PCSK5: variants seen among roughly 807,000 people sequenced by gnomAD.
PCSK5 encodes proprotein convertase subtilisin/kexin type 5.
In PCSK5, 129 loss-of-function variants were observed where a neutral mutation model predicts 233.2. The observed-to-expected ratio is 0.55, with a 90% CI of 0.48 to 0.64. The LOEUF is 0.64. PCSK5 is among the 30% of genes least tolerant of loss of function. The probability of loss-of-function intolerance (pLI) is 0.00; values close to 1 mark genes in which losing one functional copy is unlikely to be tolerated. For missense variants in PCSK5, 2,076 were observed against 2,430.1 expected, an observed-to-expected ratio of 0.85 and a Z score of 3.06; for synonymous variants, 825 against 879.2, an observed-to-expected ratio of 0.94 and a Z score of 1.09.
chr9:75,945,826 A>T (rs1824540828), intron 2 of PCSK5, among the ~76,000 whole-genome samples: 1 of 152,084 alleles, frequency 6.6e-6, no homozygotes, highest in Non-Finnish European at 1.5e-5. Flanking sequence ...TCTTTGTATG[A>T]TGGATGCCTT....
chr9:75,968,674 C>A (rs1825695363), intron 2 of PCSK5, among the ~76,000 whole-genome samples: 1 of 152,124 alleles, frequency 6.6e-6, no homozygotes, highest in Non-Finnish European at 1.5e-5. Flanking sequence ...TTATAGAAAT[C>A]CAGCCAGGGG....
chr9:76,180,062 TG>T (rs1734038949), intron 15 of PCSK5, among the ~76,000 whole-genome samples: 1 of 128,794 alleles, frequency 7.8e-6, no homozygotes, highest in Non-Finnish European at 1.6e-5. Flanking sequence ...CATAACATGA[TG>T]TTTATATATA....
At chr9:76,346,348 A>T (rs1213946962) in intron 35 of PCSK5, among the ~76,000 whole-genome samples, 1 of 152,120 alleles carries the variant, frequency 6.6e-6, no homozygotes, top group East Asian at 1.9e-4. Context: ...TCCTGGGTGA[A>T]TTAAGGATGA....
chr9:76,147,563 C>CCT (rs145613300), intron 10 of PCSK5, among the ~76,000 whole-genome samples: 3,385 of 152,248 alleles, frequency 0.022, 121 homozygotes, highest in African/African-American at 0.076. Context: ...CTGGGCCTTA[C>CCT]CTCAAAACTC....
intron 20 of PCSK5, among the ~76,000 whole-genome samples, chr9:76,217,810 A>AACC (rs1825590114): frequency 6.6e-6 from 1 of 152,180 alleles, no homozygotes; most frequent in African/African-American, 2.4e-5. Context: ...ATAGGATGCA[A>AACC]ACCACGGGGA....
intron 5 of PCSK5, among the ~76,000 whole-genome samples, chr9:76,044,646 A>G (rs561430615): frequency 6.6e-6 from 1 of 152,290 alleles, no homozygotes; most frequent in South Asian, 2.1e-4. Flanking sequence ...TATTAGAGCT[A>G]ATTTAGAGAT....
At chr9:76,286,735 T>A (rs1828083664) in intron 24 of PCSK5, 1 of 163,966 alleles carries the variant, frequency 6.1e-6, no homozygotes. Context: ...GTTGAAGTCA[T>A]TGGCAGATGC....
At chr9:76,082,573 G>A (rs1830885827) in intron 7 of PCSK5, among the ~76,000 whole-genome samples, 1 of 152,042 alleles carries the variant, frequency 6.6e-6, no homozygotes, top group South Asian at 2.1e-4. Context: ...GTATAATGAT[G>A]AATAAATGTT....
chr9:76,204,534 G>T (rs1467802124), intron 20 of PCSK5, among the ~76,000 whole-genome samples: 1 of 149,724 alleles, frequency 6.7e-6, no homozygotes, highest in Non-Finnish European at 1.5e-5. Flanking sequence ...GCCTGTCCCG[G>T]TGGCCAAGCC....
chr9:75,971,178 G>A (rs995498578), intron 2 of PCSK5, among the ~76,000 whole-genome samples: 8 of 148,684 alleles, frequency 5.4e-5, no homozygotes, highest in African/African-American at 2.0e-4. Flanking sequence ...AGTGAGAAAT[G>A]CAGTGTTTGG....
intron 24 of PCSK5, among the ~76,000 whole-genome samples, chr9:76,278,891 C>T (rs1827775673): frequency 6.6e-6 from 1 of 152,116 alleles, no homozygotes; most frequent in Admixed American, 6.5e-5. Context: ...CTGCATTTTG[C>T]TTTATTGTAC....
At chr9:75,937,020 T>G (rs1401919940) in intron 2 of PCSK5, among the ~76,000 whole-genome samples, 1 of 152,088 alleles carries the variant, frequency 6.6e-6, no homozygotes, top group Non-Finnish European at 1.5e-5. Context: ...CTAGGTACAT[T>G]GTCAGTGATC....
At chr9:76,308,286 C>T (rs1477668940) in intron 28 of PCSK5, among the ~76,000 whole-genome samples, 1 of 152,218 alleles carries the variant, frequency 6.6e-6, no homozygotes, top group Non-Finnish European at 1.5e-5. Flanking sequence ...TTCACAAGTG[C>T]ATACACACAA....
rs1823517107 is a variant in PCSK5 at position 76,175,148 on chromosome 9, G to A, written c.1900+19G>A. 1.2e-6 allele frequency: 2 copies of A among 1,610,734 alleles called. No homozygotes were observed. Among genetic ancestry groups the A allele is most frequent in the Non-Finnish European group, 1.7e-6 (2 of 1,178,840 alleles). On this transcript the variant is annotated intron_variant, in intron 14 of 37. Transcript: ENST00000674117. ...TATGCAGGTGAGCTGGCTTCCAGTG[G>A]GACACAGGCTAAAAAGAGGCAGCTC...
At chr9:76,307,262 G>A (rs1040684099) in intron 28 of PCSK5, among the ~76,000 whole-genome samples, 6 of 152,132 alleles carry the variant, frequency 3.9e-5, no homozygotes, top group Non-Finnish European at 7.3e-5. Flanking sequence ...ATACCCGGCT[G>A]ACTCTTAGGA....
At chr9:75,969,618 A>G (rs967349517) in intron 2 of PCSK5, among the ~76,000 whole-genome samples, 1 of 152,194 alleles carries the variant, frequency 6.6e-6, no homozygotes, top group African/African-American at 2.4e-5. Flanking sequence ...TCAAGCTTGC[A>G]GTTCTTGGAC....
chr9:76,339,940 G>T (rs986412283), intron 35 of PCSK5, among the ~76,000 whole-genome samples: 3 of 152,108 alleles, frequency 2.0e-5, no homozygotes, highest in Admixed American at 2.0e-4. Flanking sequence ...CTAGAAGCTA[G>T]AACTACCCAG....
chr9:76,320,974 C>T (rs1187367427), intron 30 of PCSK5, among the ~76,000 whole-genome samples: 1 of 151,872 alleles, frequency 6.6e-6, no homozygotes, highest in African/African-American at 2.4e-5. Context: ...ACCACCACAC[C>T]CAGCTAATTT....
chr9:76,114,213 T>G (rs1832335361), intron 9 of PCSK5, among the ~76,000 whole-genome samples: 1 of 151,992 alleles, frequency 6.6e-6, no homozygotes, highest in South Asian at 2.1e-4. Flanking sequence ...GTTTATAAGG[T>G]AAAAACAATG....
Sources: allele counts gnomAD v4.1 joint callset (sites outside exome capture counted in the v4.1 genomes callset), GRCh38; gene constraint gnomAD v4.1.1; transcripts MANE v1.5; gene names NCBI Gene and HGNC (gene_info 2026-07-23, HGNC 2026-07-21).